The following VSNL1 variants were observed in gnomAD, a reference collection of about 807,000 sequenced individuals.
The protein encoded by VSNL1 is visinin-like protein 1.
Under a neutral mutation model 20.4 loss-of-function variants are expected in VSNL1, and 6 were observed. The ratio of observed to expected loss-of-function variants is 0.29; its 90% CI spans 0.16 to 0.58. The LOEUF is 0.58. Among genes scored for constraint, VSNL1 ranks in the 20% least tolerant of loss-of-function variants. The probability of loss-of-function intolerance (pLI) is 0.90; values close to 1 mark genes in which losing one functional copy is unlikely to be tolerated. For missense variants in VSNL1, 100 were observed against 234.5 expected (o/e 0.43, Z 3.75); for synonymous variants, 93 against 86.4 (o/e 1.08, Z -0.42).
intron 3 of VSNL1, among the ~76,000 whole-genome samples, chr2:17,654,566 A>G (rs188965971): frequency 6.6e-6 from 1 of 152,188 alleles, no homozygotes; most frequent in East Asian, 1.9e-4. Flanking sequence ...ATTATTTCTA[A>G]TCTCACCATT....
chr2:17,584,878 A>T (rs1275349856), intron 1 of VSNL1, among the ~76,000 whole-genome samples: 2 of 152,126 alleles, frequency 1.3e-5, no homozygotes, highest in African/African-American at 4.8e-5. Flanking sequence ...TAAGTCCCCT[A>T]GCCTCCTTGG....
At chr2:17,549,308 C>CT (rs1215509462) in intron 1 of VSNL1, among the ~76,000 whole-genome samples, 1 of 152,134 alleles carries the variant, frequency 6.6e-6, no homozygotes, top group African/African-American at 2.4e-5. Flanking sequence ...GAAGTGTGCA[C>CT]TAATGCAGAT....
chr2:17,551,491 C>T (rs1048137884), intron 1 of VSNL1, among the ~76,000 whole-genome samples: 5 of 152,140 alleles, frequency 3.3e-5, no homozygotes, highest in Non-Finnish European at 5.9e-5. Flanking sequence ...AGCATGTTTG[C>T]AGCAGTGATG....
chr2:17,650,655 C>T (rs1424298010), intron 3 of VSNL1, among the ~76,000 whole-genome samples: 3 of 152,232 alleles, frequency 2.0e-5, no homozygotes, highest in Admixed American at 6.5e-5. Flanking sequence ...TGAGATCAGG[C>T]AGGGTGGATC....
At chr2:17,567,353 CTTTTTTTTTT>C (rs57144136) in intron 1 of VSNL1, 2 of 84,556 alleles carry the variant, frequency 2.4e-5, no homozygotes, top group East Asian at 7.5e-4. Flanking sequence ...TAGAGTCTCA[CTTTTTTTTTT>C]TTTTTTTTTT....
intron 2 of VSNL1, among the ~76,000 whole-genome samples, chr2:17,615,589 T>C (rs963708694): frequency 6.6e-6 from 1 of 152,204 alleles, no homozygotes; most frequent in Non-Finnish European, 1.5e-5. Flanking sequence ...CAGCAAACAG[T>C]GGTTTAAATA....
At chr2:17,612,123 AG>A (rs1195784586) in intron 2 of VSNL1, among the ~76,000 whole-genome samples, 1 of 152,166 alleles carries the variant, frequency 6.6e-6, no homozygotes, top group South Asian at 2.1e-4. Flanking sequence ...GAGAATGAGG[AG>A]AGGGATAGAT....
intron 1 of VSNL1, among the ~76,000 whole-genome samples, chr2:17,557,293 T>TTG (rs944782854): frequency 6.6e-6 from 1 of 152,194 alleles, no homozygotes; most frequent in African/African-American, 2.4e-5. Context: ...TATGTAGCTT[T>TTG]TGTATGAGGT....
intron 2 of VSNL1, among the ~76,000 whole-genome samples, chr2:17,604,364 T>C (rs1426640666): frequency 1.3e-5 from 2 of 152,266 alleles, no homozygotes; most frequent in Non-Finnish European, 2.9e-5. Flanking sequence ...GTCTGCTTAG[T>C]CAGCCTTTAT....
chr2:17,544,453 T>G (rs1663363497), intron 1 of VSNL1, among the ~76,000 whole-genome samples: 1 of 152,166 alleles, frequency 6.6e-6, no homozygotes, highest in South Asian at 2.1e-4. Flanking sequence ...CCGCTTTGGT[T>G]TACTACACTG....
intron 2 of VSNL1, 74 bp downstream of exon 2, chr2:17,592,310 T>C: frequency 6.7e-7 from 1 of 1,491,534 alleles, no homozygotes; most frequent in Admixed American, 1.8e-5. Context: ...TACCCTCACA[T>C]GGAATTATAA....
intron 2 of VSNL1, among the ~76,000 whole-genome samples, chr2:17,635,495 C>T (rs1302974253): frequency 6.6e-6 from 1 of 152,178 alleles, no homozygotes; most frequent in Non-Finnish European, 1.5e-5. Context: ...CTCAAAAGCT[C>T]CTTCTCCTAG....
At chr2:17,631,877 TTTGTTGTTG>T (rs372839819) in intron 2 of VSNL1, among the ~76,000 whole-genome samples, 1 of 151,732 alleles carries the variant, frequency 6.6e-6, no homozygotes, top group African/African-American at 2.4e-5. Context: ...GAAGGTAAGG[TTTGTTGTTG>T]TTGTTGTTGT....
At chr2:17,559,623 A>G (rs1452897233) in intron 1 of VSNL1, among the ~76,000 whole-genome samples, 1 of 152,322 alleles carries the variant, frequency 6.6e-6, no homozygotes, top group East Asian at 1.9e-4. Context: ...TTTATCTAAT[A>G]TCCTTCCAGT....
At chr2:17,624,144 C>T (rs1013045832) in intron 2 of VSNL1, among the ~76,000 whole-genome samples, 1 of 152,206 alleles carries the variant, frequency 6.6e-6, no homozygotes, top group African/African-American at 2.4e-5. Flanking sequence ...ACACAGAGCA[C>T]AGTCTCCTAC....
intron 1 of VSNL1, among the ~76,000 whole-genome samples, chr2:17,581,345 A>C (rs1373506493): frequency 6.6e-6 from 1 of 152,088 alleles, no homozygotes; most frequent in Non-Finnish European, 1.5e-5. Context: ...TTATTTGTAC[A>C]TTTGTGTGTT....
chr2:17,556,131 T>A (rs558572011), intron 1 of VSNL1, among the ~76,000 whole-genome samples: 1 of 152,276 alleles, frequency 6.6e-6, no homozygotes, highest in African/African-American at 2.4e-5. Flanking sequence ...CCATGAGTTT[T>A]ACACCCCAGA....
intron 1 of VSNL1, chr2:17,567,382 G>T (rs2103353160): frequency 1.4e-5 from 1 of 71,094 alleles, no homozygotes; most frequent in African/African-American, 4.8e-5. Context: ...TTTTTTAGAA[G>T]GAGTCTGCCT....
intron 1 of VSNL1, among the ~76,000 whole-genome samples, chr2:17,574,763 A>T (rs552949133): frequency 6.6e-6 from 1 of 152,052 alleles, no homozygotes; most frequent in Non-Finnish European, 1.5e-5. Flanking sequence ...CATGAAAACT[A>T]AGCTATCAAA....
Sources: allele counts gnomAD v4.1 joint callset (sites outside exome capture counted in the v4.1 genomes callset), GRCh38; gene constraint gnomAD v4.1.1; transcripts MANE v1.5; gene names NCBI Gene and HGNC (gene_info 2026-07-23, HGNC 2026-07-21).